SLC5A1: variants seen among roughly 807,000 people sequenced by gnomAD.
SLC5A1 encodes the protein sodium/glucose cotransporter 1.
A neutral mutation model predicts 73.5 loss-of-function variants in SLC5A1; 42 were observed. The ratio of observed to expected loss-of-function variants is 0.57; its 90% CI spans 0.45 to 0.74. SLC5A1 has a LOEUF of 0.74. Among genes scored for constraint, SLC5A1 ranks in the 30% least tolerant of loss-of-function variants. The pLI is 0.00. For synonymous variants in SLC5A1, 300 were observed against 317.4 expected (o/e 0.95, Z 0.58); for missense variants, 634 against 855.4 (o/e 0.74, Z 3.23).
At chr22:32,086,123 AGAGT>A in intron 9 of SLC5A1, 93 bp from the exon 10 acceptor site, 1 of 784,712 alleles carries the variant, frequency 1.3e-6, no homozygotes, top group East Asian at 2.7e-5. Context: ...CCTGGGCTAC[AGAGT>A]GAGACTCCGT....
intron 5 of SLC5A1, among the ~76,000 whole-genome samples, chr22:32,074,433 G>C (rs1368602693): frequency 6.6e-6 from 1 of 152,130 alleles, no homozygotes; most frequent in Non-Finnish European, 1.5e-5. Flanking sequence ...AATTGTATGT[G>C]TTGTGTGCTG....
chr22:32,074,001 G>A (rs1196908218), intron 5 of SLC5A1, among the ~76,000 whole-genome samples: 1 of 152,128 alleles, frequency 6.6e-6, no homozygotes, highest in Non-Finnish European at 1.5e-5. Flanking sequence ...AGGGCAGTGT[G>A]TCTGTCTAAG....
At chr22:32,091,858 G>T in intron 11 of SLC5A1, 96 bp downstream of exon 11, 2 of 1,203,578 alleles carry the variant, frequency 1.7e-6, no homozygotes, top group East Asian at 4.7e-5. Context: ...CAGATGCCTG[G>T]GTAGAATGGG....
At chr22:32,056,477 A>C (rs529786040) in intron 2 of SLC5A1, among the ~76,000 whole-genome samples, 29 of 136,296 alleles carry the variant, frequency 2.1e-4, no homozygotes, top group African/African-American at 7.9e-4. Context: ...TGTCCCATGC[A>C]ATATTCGGGA....
intron 5 of SLC5A1, among the ~76,000 whole-genome samples, chr22:32,072,123 G>A (rs1166496356): frequency 6.6e-6 from 1 of 152,002 alleles, no homozygotes; most frequent in Non-Finnish European, 1.5e-5. Context: ...TGGTTAAATT[G>A]CATGTCACGG....
At chr22:32,082,915 G>C (rs1322479736) in intron 6 of SLC5A1, 159 bp from the exon 7 acceptor site, 4 of 695,778 alleles carry the variant, frequency 5.7e-6, no homozygotes, top group Non-Finnish European at 1.1e-5. Context: ...GCAAAATACT[G>C]TAACAGGACA....
chr22:32,092,638 T>C (rs1197180453), intron 11 of SLC5A1, among the ~76,000 whole-genome samples: 1 of 152,182 alleles, frequency 6.6e-6, no homozygotes, highest in Non-Finnish European at 1.5e-5. Flanking sequence ...TTACAGTCAT[T>C]CTTGGAGTAA....
chr22:32,107,978 A>G (rs531303062), intron 14 of SLC5A1, among the ~76,000 whole-genome samples: 1 of 152,180 alleles, frequency 6.6e-6, no homozygotes. Context: ...TTTTAATTAT[A>G]AACACTTTAG....
chr22:32,099,486 TA>T, intron 12 of SLC5A1, 135 bp downstream of exon 12: 3 of 911,638 alleles, frequency 3.3e-6, no homozygotes, highest in Non-Finnish European at 5.3e-6. Context: ...TGAGGGTTTG[TA>T]GGGAAAGCCT....
intron 11 of SLC5A1, 74 bp from the exon 12 acceptor site, chr22:32,099,096 AAAAAAAAAAATAT>A: frequency 6.2e-6 from 1 of 160,728 alleles, no homozygotes; most frequent in Non-Finnish European, 9.1e-6. Context: ...AAAAAAAAAA[AAAAAAAAAAATAT>A]ATATATATAT....
chr22:32,107,237 G>C (rs2094047895), intron 14 of SLC5A1, among the ~76,000 whole-genome samples: 1 of 152,142 alleles, frequency 6.6e-6, no homozygotes, highest in Non-Finnish European at 1.5e-5. Context: ...CACTGTGTAA[G>C]AATATCATAG....
At chr22:32,045,120 T>C (rs1233312494) in intron 1 of SLC5A1, among the ~76,000 whole-genome samples, 2 of 152,188 alleles carry the variant, frequency 1.3e-5, no homozygotes, top group African/African-American at 4.8e-5. Flanking sequence ...ACTCTGCCAC[T>C]GTGACTGACT....
chr22:32,045,997 A>G (rs781191088), intron 1 of SLC5A1, among the ~76,000 whole-genome samples: 1 of 152,240 alleles, frequency 6.6e-6, no homozygotes, highest in Admixed American at 6.5e-5. Context: ...GACCCTGTAT[A>G]TTCCACAAAG....
chr22:32,078,935 A>T (rs938492617), intron 5 of SLC5A1, among the ~76,000 whole-genome samples: 1 of 145,488 alleles, frequency 6.9e-6, no homozygotes, highest in African/African-American at 2.5e-5. Context: ...AGCCTGGCGA[A>T]AGAGCAAGAC....
chr22:32,108,675 T>A (rs2094050725), intron 14 of SLC5A1, among the ~76,000 whole-genome samples: 1 of 152,132 alleles, frequency 6.6e-6, no homozygotes, highest in Non-Finnish European at 1.5e-5. Context: ...TCTACCCCAA[T>A]AAGAGCTAGA....
At chr22:32,049,905 C>G (rs1446476831) in intron 1 of SLC5A1, 38 bp from the exon 2 acceptor site, 18 of 1,569,076 alleles carry the variant, frequency 1.1e-5, no homozygotes, top group Non-Finnish European at 1.6e-5. Flanking sequence ...GGCCACTCTT[C>G]TAGTTTTCGA....
intron 2 of SLC5A1, among the ~76,000 whole-genome samples, chr22:32,056,850 C>CT (rs1444743860): frequency 6.6e-6 from 1 of 152,196 alleles, no homozygotes; most frequent in African/African-American, 2.4e-5. Context: ...AACGATGACT[C>CT]TGTTTCTTTC....
At chr22:32,081,394 C>T (rs954365574) in intron 5 of SLC5A1, among the ~76,000 whole-genome samples, 16 of 152,040 alleles carry the variant, frequency 1.1e-4, no homozygotes, top group African/African-American at 3.1e-4. Context: ...AGTTTCTCCC[C>T]GCTCCTGGGT....
intron 5 of SLC5A1, among the ~76,000 whole-genome samples, chr22:32,080,964 A>G (rs1363779107): frequency 2.0e-5 from 3 of 152,100 alleles, no homozygotes; most frequent in Admixed American, 1.3e-4. Flanking sequence ...ACTGCACTCT[A>G]GCCCGGGCGA....
Sources: gnomAD v4.1 joint callset for allele counts (sites outside exome capture counted in the v4.1 genomes callset) on GRCh38, gnomAD v4.1.1 for gene constraint, MANE v1.5 for transcripts, NCBI Gene and HGNC (gene_info 2026-07-23, HGNC 2026-07-21) for gene names.